LARP1B: variants seen among roughly 807,000 people sequenced by gnomAD.
LARP1B encodes La ribonucleoprotein 1B.
In LARP1B, 76 loss-of-function variants were observed where a neutral mutation model predicts 114.2. That is an observed-to-expected ratio of 0.67 (90% CI 0.55 to 0.81). The LOEUF (loss-of-function observed/expected upper bound fraction) is 0.81. LARP1B is among the 30% of genes least tolerant of loss of function. The pLI is 0.00. For synonymous variants in LARP1B, 345 were observed against 348.0 expected (o/e 0.99, Z 0.10); for missense variants, 1,014 against 1,075.8 (o/e 0.94, Z 0.80).
At chr4:128,176,212 T>TTTTATATATTATATATAA (rs1561496799) in intron 12 of LARP1B, among the ~76,000 whole-genome samples, 180 of 142,212 alleles carry the variant, frequency 1.3e-3, no homozygotes, top group African/African-American at 3.7e-3. Context: ...ATTATATATT[T>TTTTATATATTATATATAA]ATATATAAAT....
intron 1 of LARP1B, chr4:128,069,077 A>G (rs1425587053): frequency 9.7e-7 from 1 of 1,028,520 alleles, no homozygotes; most frequent in Non-Finnish European, 1.5e-6. Flanking sequence ...GAGAACCACC[A>G]ATAGTGTGGT....
chr4:128,143,070 A>G (rs1337055600), intron 11 of LARP1B, among the ~76,000 whole-genome samples: 1 of 151,964 alleles, frequency 6.6e-6, no homozygotes, highest in Non-Finnish European at 1.5e-5. Context: ...GCTGATCATG[A>G]GGTCAAGAGA....
chr4:128,130,148 T>TTGC (rs1192186766), intron 11 of LARP1B, among the ~76,000 whole-genome samples: 6 of 152,072 alleles, frequency 3.9e-5, no homozygotes, highest in African/African-American at 1.4e-4. Flanking sequence ...AGACCACGAG[T>TTGC]TTGAGACCAG....
At chr4:128,188,077 T>C (rs1324620704) in intron 15 of LARP1B, among the ~76,000 whole-genome samples, 1 of 125,878 alleles carries the variant, frequency 7.9e-6, no homozygotes. Flanking sequence ...GTCTCGGGTA[T>C]TTTTTTTTTT....
intron 10 of LARP1B, among the ~76,000 whole-genome samples, chr4:128,121,292 T>C (rs1365982485): frequency 6.6e-6 from 1 of 152,222 alleles, no homozygotes; most frequent in Admixed American, 6.5e-5. Flanking sequence ...AAGACCTTGA[T>C]TCTATCTATC....
At chr4:128,183,165 G>GA (rs1006571918) in intron 15 of LARP1B, among the ~76,000 whole-genome samples, 96 of 151,910 alleles carry the variant, frequency 6.3e-4, no homozygotes, top group African/African-American at 1.5e-3. Flanking sequence ...GTCTAGATCT[G>GA]AAAAAAAAGT....
chr4:128,097,564 C>T (rs1230347836), intron 7 of LARP1B, among the ~76,000 whole-genome samples: 1 of 152,150 alleles, frequency 6.6e-6, no homozygotes, highest in Non-Finnish European at 1.5e-5. Context: ...ATCTCAGCCT[C>T]CCCAAGTGCT....
At chr4:128,104,753 A>G (rs1781483269) in intron 8 of LARP1B, among the ~76,000 whole-genome samples, 1 of 151,992 alleles carries the variant, frequency 6.6e-6, no homozygotes, top group Non-Finnish European at 1.5e-5. Context: ...GCAACAGTTA[A>G]TTTTTCTATG....
chr4:128,129,664 T>A (rs1211952418), intron 11 of LARP1B, among the ~76,000 whole-genome samples: 1 of 152,154 alleles, frequency 6.6e-6, no homozygotes, highest in Non-Finnish European at 1.5e-5. Context: ...AGTACGGTAC[T>A]GGTGAAAGAA....
At chr4:128,083,825 C>T (rs574497888) in intron 5 of LARP1B, among the ~76,000 whole-genome samples, 116 of 150,522 alleles carry the variant, frequency 7.7e-4, no homozygotes, top group Non-Finnish European at 1.4e-3. Context: ...CCCTCCCGGA[C>T]GGGGCGGCTG....
At chr4:128,111,898 C>T (rs1291856185) in intron 9 of LARP1B, among the ~76,000 whole-genome samples, 1 of 151,298 alleles carries the variant, frequency 6.6e-6, no homozygotes, top group African/African-American at 2.4e-5. Flanking sequence ...ACCAGTTGGC[C>T]AGGCTGGTCT....
rs533160302 is a variant in LARP1B at position 128,106,324 on chromosome 4, G to A, written c.814-815G>A. On this transcript the variant is annotated intron_variant, in intron 8 of 19. Coordinates refer to ENST00000326639, the MANE Select transcript of LARP1B (RefSeq NM_018078.4). Reference sequence around the variant, plus strand: ...GGCATGAGCACCTGGCCCGGTTAATGTTCTTAATTATATACAGCATGTTCT... The same window carrying A: ...GGCATGAGCACCTGGCCCGGTTAATATTCTTAATTATATACAGCATGTTCT... Among the ~76,000 whole-genome samples, 5 of 152,264 alleles carry A rather than the reference G, an allele frequency of 3.3e-5. No individual in the cohort carries two copies. In the South Asian group the frequency reaches 1.0e-3, roughly 32 times the overall value.
intron 15 of LARP1B, among the ~76,000 whole-genome samples, chr4:128,187,423 C>T (rs1750733983): frequency 6.6e-6 from 1 of 152,212 alleles, no homozygotes; most frequent in African/African-American, 2.4e-5. Context: ...AGTGATTGCC[C>T]TTCTGGGCTT....
intron 9 of LARP1B, among the ~76,000 whole-genome samples, chr4:128,111,403 A>G (rs1322858888): frequency 5.3e-5 from 8 of 152,058 alleles, no homozygotes; most frequent in Non-Finnish European, 1.0e-4. Context: ...ATAGTATTAG[A>G]AATAGAGTTC....
In LARP1B at chr4:128,210,404, G is replaced by A; in HGVS notation, c.*351G>A. On this transcript the variant is annotated 3_prime_UTR_variant, in exon 20 of 20. Coordinates refer to ENST00000326639, the MANE Select transcript of LARP1B (RefSeq NM_018078.4). ...AAATATATTTAAAAAACAATACAAG[G>A]AATGCCTAACATTTCAGCTCATACT... 2 of 1,054,486 alleles carry A rather than the reference G, an allele frequency of 1.9e-6. No individual in the cohort carries two copies. Among genetic ancestry groups the A allele is most frequent in the Non-Finnish European group, 2.3e-6 (2 of 871,538 alleles). The allele number at this position is 1,054,486 out of a possible 1,614,324, so 65.3% of individuals were successfully genotyped here.
chr4:128,089,887 C>T (rs1279615329), intron 5 of LARP1B, among the ~76,000 whole-genome samples: 1 of 151,722 alleles, frequency 6.6e-6, no homozygotes, highest in Non-Finnish European at 1.5e-5. Flanking sequence ...TTTTCTGCCT[C>T]AGCCTACTGA....
chr4:128,114,923 A>G (rs2149904966), intron 10 of LARP1B, among the ~76,000 whole-genome samples, 181 bp downstream of exon 10: 1 of 152,256 alleles, frequency 6.6e-6, no homozygotes. Flanking sequence ...AAGTTGTATC[A>G]ATTTTTAAAA....
chr4:128,062,129 A>C (rs1055733968), intron 1 of LARP1B: 6 of 985,150 alleles, frequency 6.1e-6, no homozygotes, highest in Non-Finnish European at 7.2e-6. Flanking sequence ...GCTGCCGCCT[A>C]AGGGAAATCC....
At chr4:128,082,766 T>C (rs1327658460) in intron 5 of LARP1B, among the ~76,000 whole-genome samples, 1 of 152,016 alleles carries the variant, frequency 6.6e-6, no homozygotes, top group Non-Finnish European at 1.5e-5. Flanking sequence ...TGTGAATTTT[T>C]GGCAGGAGTA....
Sources: allele counts gnomAD v4.1 joint callset (sites outside exome capture counted in the v4.1 genomes callset), GRCh38; gene constraint gnomAD v4.1.1; transcripts MANE v1.5; gene names NCBI Gene and HGNC (gene_info 2026-07-23, HGNC 2026-07-21).